ZNF880: variants seen among roughly 807,000 people sequenced by gnomAD.
ZNF880 encodes zinc finger protein LOC400713.
A neutral mutation model predicts 11.8 loss-of-function variants in ZNF880; 12 were observed. That is an observed-to-expected ratio of 1.02 (90% confidence interval 0.65 to 1.65). The LOEUF (loss-of-function observed/expected upper bound fraction) is 1.65, where lower values mean the gene tolerates loss of function less well. Among genes scored for constraint, ZNF880 ranks in the 40% most tolerant of loss-of-function variants. The pLI is 0.00. For synonymous variants in ZNF880, 210 were observed against 232.4 expected (o/e 0.90, Z 0.88); for missense variants, 601 against 673.9 (o/e 0.89, Z 1.20).
chr19:52,374,477 T>TTA (rs1568661118), intron 3 of ZNF880, 50 bp downstream of exon 3: 8 of 1,530,796 alleles, frequency 5.2e-6, no homozygotes, highest in South Asian at 3.6e-5. Flanking sequence ...TTTTTTTTTT[T>TTA]AAACAGGGTC....
intron 1 of ZNF880, 54 bp downstream of exon 1, chr19:52,370,031 C>G (rs1045906980): frequency 6.5e-7 from 1 of 1,550,342 alleles, no homozygotes; most frequent in African/African-American, 1.4e-5. Context: ...CCTCGCGCTT[C>G]TGTACCCGGC....
chr19:52,393,885 G>A, the ZNF880 span, among the ~76,000 whole-genome samples: 7 of 130,974 alleles, frequency 5.3e-5, no homozygotes, highest in East Asian at 1.6e-3. Flanking sequence ...CGCCCAGGCT[G>A]GAGTGCAGTG....
intron 3 of ZNF880, among the ~76,000 whole-genome samples, chr19:52,377,952 C>T (rs1021857539): frequency 2.0e-5 from 3 of 152,094 alleles, no homozygotes; most frequent in Non-Finnish European, 4.4e-5. Context: ...TCAAGTGATT[C>T]TTCTAGTTCA....
chr19:52,368,958 AGAG>A (rs917124722), upstream of ZNF880, among the ~76,000 whole-genome samples: 17 of 133,216 alleles, frequency 1.3e-4, no homozygotes, highest in East Asian at 1.1e-3. Flanking sequence ...CCTGAAAGAC[AGAG>A]GGAGACCATC....
rs777273008 is a variant in ZNF880, at chr19:52,384,477, T to G, written c.897T>G (p.Asn299Lys). 1.2e-6 allele frequency: 2 copies of G among 1,613,874 alleles called. No individual in the cohort carries two copies. Among genetic ancestry groups the G allele is most frequent in the African/African-American group, 2.7e-5 (2 of 74,846 alleles). The change falls in exon 4 of 4, where the codon AAT becomes AAG. Residue 299 changes from asparagine to lysine, a missense_variant. Transcript: ENST00000422689. The stretch of plus-strand genomic sequence containing the variant: ...CTGGAGAGAAACCTTACAAATGTAA[T>G]GAGTGTGGCAAGGTCTTCAACAGAA... ...IHTGEKPYKC[N>K]ECGKVFNRNA... is the part of the protein sequence containing the mutation.
downstream of ZNF880, among the ~76,000 whole-genome samples, chr19:52,386,223 C>T (rs1355768952): frequency 1.4e-5 from 2 of 139,988 alleles, no homozygotes; most frequent in Non-Finnish European, 3.1e-5. Context: ...ACAGGGATGA[C>T]TTCATTAGCT....
At chr19:52,374,463 ATTTTT>A (rs376324069) in intron 3 of ZNF880, 36 bp downstream of exon 3, 1 of 1,266,158 alleles carries the variant, frequency 7.9e-7, no homozygotes, top group Non-Finnish European at 1.1e-6. Flanking sequence ...AGGCCCCATA[ATTTTT>A]TTTTTTTTTA....
the ZNF880 span, chr19:52,396,728 T>C: frequency 6.6e-6 from 1 of 152,464 alleles, no homozygotes; most frequent in East Asian, 1.9e-4. Flanking sequence ...GAGACCAGCC[T>C]GGGCAACAAA....
Position 52,380,498 on chromosome 19 carries a change from A to G in ZNF880, c.269-3351A>G, listed in dbSNP as rs950254592. Reference sequence around the variant, plus strand: ...AATTTTTCATTTACTTTTATTCAATAATAATATTAAATGAAATCTTTTTAT... The same window carrying G: ...AATTTTTCATTTACTTTTATTCAATGATAATATTAAATGAAATCTTTTTAT... On this transcript the variant is annotated intron_variant, in intron 3 of 3. Coordinates refer to ENST00000422689, the MANE Select transcript of ZNF880 (RefSeq NM_001145434.2). Among the ~76,000 whole-genome samples the G allele has an allele frequency of 2.8e-5, 4 of 145,084 alleles. No homozygotes were observed. In the South Asian group the frequency reaches 9.5e-4, roughly 35 times the overall value.
chr19:52,390,066 TAAAG>T (rs1410015882), downstream of ZNF880: 4 of 156,156 alleles, frequency 2.6e-5, no homozygotes, highest in East Asian at 1.9e-4. Context: ...ACGCTGCTAA[TAAAG>T]AAATACCCGA....
chr19:52,379,382 G>A (rs539327466), intron 3 of ZNF880: 1 of 431,946 alleles, frequency 2.3e-6, no homozygotes, highest in African/African-American at 2.1e-5. Flanking sequence ...TGTATAAATT[G>A]GGAATTTATT....
chr19:52,373,277 G>C, intron 2 of ZNF880, 40 bp downstream of exon 2: 1 of 1,579,376 alleles, frequency 6.3e-7, no homozygotes, highest in South Asian at 1.1e-5. Context: ...ATCTGCCCTG[G>C]TGTATTTTTG....
chr19:52,381,012 T>C (rs1986692669), intron 3 of ZNF880, among the ~76,000 whole-genome samples: 1 of 152,238 alleles, frequency 6.6e-6, no homozygotes, highest in African/African-American at 2.4e-5. Context: ...CTTCTGGTTC[T>C]ATCCATTTTC....
chr19:52,370,388 C>G (rs945706851), intron 1 of ZNF880: 2 of 194,806 alleles, frequency 1.0e-5, no homozygotes, highest in African/African-American at 4.6e-5. Flanking sequence ...ATGTTTACTG[C>G]TGATTGTGAT....
intron 1 of ZNF880, 27 bp downstream of exon 1, chr19:52,370,004 T>C: frequency 6.4e-7 from 1 of 1,551,618 alleles, no homozygotes; most frequent in Non-Finnish European, 8.7e-7. Flanking sequence ...TTAGATTAAA[T>C]CTGGGATGCT....
At chr19:52,379,377 A>T (rs1437244634) in intron 3 of ZNF880, 1 of 431,826 alleles carries the variant, frequency 2.3e-6, no homozygotes, top group African/African-American at 2.1e-5. Context: ...TAGAATGTAT[A>T]AATTGGGAAT....
At chr19:52,370,847 G>T (rs1027778829) in intron 1 of ZNF880, among the ~76,000 whole-genome samples, 9 of 152,180 alleles carry the variant, frequency 5.9e-5, no homozygotes, top group African/African-American at 2.2e-4. Flanking sequence ...TACTCGGAGA[G>T]GGTGTCATTT....
chr19:52,378,233 T>C (rs1216275664), intron 3 of ZNF880, among the ~76,000 whole-genome samples: 1 of 152,204 alleles, frequency 6.6e-6, no homozygotes, highest in Non-Finnish European at 1.5e-5. Flanking sequence ...TTTCTTATTT[T>C]ACAAGGTTCC....
chr19:52,380,193 C>G (rs1986669297), intron 3 of ZNF880: 1 of 152,226 alleles, frequency 6.6e-6, no homozygotes, highest in Non-Finnish European at 1.5e-5. Flanking sequence ...AGCCACCGTA[C>G]CTGGCCCATA....
Sources: gnomAD v4.1 joint callset for allele counts (sites outside exome capture counted in the v4.1 genomes callset) on GRCh38, gnomAD v4.1.1 for gene constraint, MANE v1.5 for transcripts, NCBI Gene and HGNC (gene_info 2026-07-23, HGNC 2026-07-21) for gene names.